Variants in PSG7 observed in about 807,000 individuals in gnomAD.
PSG7 encodes pregnancy-specific beta-1-glycoprotein 7.
Under a neutral mutation model 45.6 loss-of-function variants are expected in PSG7, and 57 were observed. The observed-to-expected ratio is 1.25, with a 90% CI of 1.01 to 1.56. PSG7 has a LOEUF of 1.56. PSG7 is among the 40% of genes most tolerant of loss of function. The probability of loss-of-function intolerance (pLI) is 0.00; values close to 1 mark genes in which losing one functional copy is unlikely to be tolerated. For missense variants in PSG7, 796 were observed against 508.4 expected, an observed-to-expected ratio of 1.57 and a Z score of -5.44; for synonymous variants, 298 against 194.4, an observed-to-expected ratio of 1.53 and a Z score of -4.43.
Position 42,925,883 on chromosome 19 carries a change from T to C in PSG7, c.1133A>G (p.Lys378Arg), listed in dbSNP as rs1359132098. 6.2e-7 allele frequency: 1 copy of C among 1,611,994 alleles called. No homozygotes were observed. Among genetic ancestry groups the C allele is most frequent in the East Asian group, 2.2e-5 (1 of 44,800 alleles). The change falls in exon 5 of 6, where the codon AAG becomes AGG. Residue 378 changes from lysine to arginine, a missense_variant. Physicochemically the swap from Lys to Arg is conservative, Grantham distance 26 (BLOSUM62 2). Transcript: ENST00000406070. ...TGTAGTAATCTGGGGGATAGAAAGC[T>C]TTTGTCCTGATAGCTGAAACTTCCC... ...INGKFQLSGQ[K>R]LSIPQITTKH...
rs1370541198 is a variant in PSG7 at position 42,925,977 on chromosome 19, C to T, written c.1039G>A (p.Gly347Arg). Residue 347 changes from glycine to arginine, a missense_variant, in exon 5 of 6, where the codon GGA (glycine) becomes AGA (arginine). Transcript: ENST00000406070. ...AAGCAGGACAAGTAGAGGTTTTGTC[C>T]TGAATGGTAATAGGTGAATGAAGGG... ...IYPSFTYYHS[G>R]QNLYLSCFAD... is the part of the protein sequence containing the mutation. The T allele has an allele frequency of 7.4e-6, 12 of 1,611,978 alleles. No individual in the cohort carries two copies. Among genetic ancestry groups the T allele is most frequent in the Non-Finnish European group, 2.5e-6 (3 of 1,179,138 alleles).
intron 2 of PSG7, among the ~76,000 whole-genome samples, chr19:42,935,132 G>A (rs1973117109): frequency 6.6e-6 from 1 of 151,866 alleles, no homozygotes; most frequent in Admixed American, 6.6e-5. Flanking sequence ...GGCATGAGGT[G>A]CTTGGCTGAG....
chr19:42,929,717 T>C lies in PSG7; in HGVS notation c.434A>G (p.Glu145Gly). 2 of 1,611,428 alleles carry C rather than the reference T, an allele frequency of 1.2e-6. No homozygotes were observed. The highest frequency in any genetic ancestry group is 1.7e-6 in the Non-Finnish European group (2 of 1,178,694). Reference sequence around the variant, plus strand: ...GCTGGAGATGGAGGGTTTGGGAGTCTCCACTGTGCGGAAAACAGAGAGAAG... The same window carrying C: ...GCTGGAGATGGAGGGTTTGGGAGTCCCCACTGTGCGGAAAACAGAGAGAAG... ...TGRFTFTLYL[E>G]TPKPSISSSN... Residue 145 changes from glutamate to glycine, a missense_variant, in exon 3 of 6, where the codon GAG becomes GGG. Transcript: ENST00000406070.
intron 3 of PSG7, chr19:42,929,202 G>C (rs1343625556): frequency 1.1e-6 from 1 of 942,740 alleles, no homozygotes; most frequent in Non-Finnish European, 1.5e-6. Context: ...ACATTCACCT[G>C]TTTCTTCCAT....
At chr19:42,932,153 A>G (rs1024343282) in intron 2 of PSG7, among the ~76,000 whole-genome samples, 1 of 151,246 alleles carries the variant, frequency 6.6e-6, no homozygotes, top group East Asian at 1.9e-4. Flanking sequence ...CCTCCCGAGT[A>G]GCTGGGACTA....
At chr19:42,926,106 G>T in intron 4 of PSG7, 79 bp from the exon 5 acceptor site, 5 of 1,562,740 alleles carry the variant, frequency 3.2e-6, no homozygotes, top group Non-Finnish European at 4.3e-6. Flanking sequence ...GGGACAGAGT[G>T]ACCCTCTGAG....
chr19:42,931,052 G>C (rs1370854718), intron 2 of PSG7, among the ~76,000 whole-genome samples: 1 of 151,526 alleles, frequency 6.6e-6, no homozygotes, highest in East Asian at 1.9e-4. Flanking sequence ...GTTGAGTTTT[G>C]AGCATTTCAG....
At position 42,929,462 on chromosome 19, in the gene PSG7, G is replaced by T. The variant is rs1385202605; in HGVS notation, c.689C>A (p.Pro230Gln). The change falls in exon 3 of 6, where the codon CCA becomes CAA. Residue 230 changes from proline to glutamine, a missense_variant. Pro to Gln is a moderately conservative substitution (Grantham distance 76). Transcript: ENST00000406070. ...CTCACGGAGGAGATTCAGGGTGACT[G>T]GGTCACTGCGGCTGGCACTCACTGG... Reference protein sequence around the residue: ...RNPVSASRSDPVTLNLLPKLP... With the variant: ...RNPVSASRSDQVTLNLLPKLP... 6.2e-7 allele frequency: 1 copy of T among 1,612,522 alleles called. No homozygotes were observed. Among genetic ancestry groups the T allele is most frequent in the African/African-American group, 1.3e-5 (1 of 74,852 alleles).
chr19:42,936,927 T>C, intron 1 of PSG7, 86 bp downstream of exon 1: 1 of 1,570,226 alleles, frequency 6.4e-7, no homozygotes, highest in South Asian at 1.1e-5. Context: ...CTTCTTTTAT[T>C]TTTTAGAACC....
At chr19:42,933,267 A>ATT (rs1973061098) in intron 2 of PSG7, among the ~76,000 whole-genome samples, 1 of 6,436 alleles carries the variant, frequency 1.6e-4, no homozygotes, top group Non-Finnish European at 3.2e-4. Flanking sequence ...CACCATTTCA[A>ATT]TATATATATA....
intron 2 of PSG7, among the ~76,000 whole-genome samples, chr19:42,933,298 TA>T (rs1457777389): frequency 3.5e-3 from 64 of 18,384 alleles, no homozygotes; most frequent in South Asian, 0.011. Context: ...TATATATATA[TA>T]TATATATATT....
In PSG7 at chr19:42,935,467, G is replaced by A; in HGVS notation, c.367C>T (p.His123Tyr). 1 of 1,612,212 alleles carries A rather than the reference G, an allele frequency of 6.2e-7. No homozygotes were observed. Among genetic ancestry groups the A allele is most frequent in the Non-Finnish European group, 8.5e-7 (1 of 1,179,016 alleles). ...TQEDTGSYTL[H>Y]IIKRGDGTGG... ...GTCCCATCACCTCGCTTTATGATGTGTAAAGTGTAGGATCCTGTGTCTTCC... is the reference window on the plus strand; with the variant it reads ...GTCCCATCACCTCGCTTTATGATGTATAAAGTGTAGGATCCTGTGTCTTCC... Residue 123 changes from histidine (H) to tyrosine (Y), a missense_variant, in exon 2 of 6, where the codon CAC (histidine) becomes TAC (tyrosine). By Grantham distance (83) the His-to-Tyr change is moderately conservative (BLOSUM62 2). Coordinates refer to ENST00000406070, the MANE Select transcript of PSG7 (RefSeq NM_002783.3).
chr19:42,933,166 A>G (rs1244102455), intron 2 of PSG7, among the ~76,000 whole-genome samples: 3 of 145,234 alleles, frequency 2.1e-5, no homozygotes, highest in Admixed American at 1.4e-4. Flanking sequence ...CTAACCCCTG[A>G]TCCACTGGGG....
chr19:42,926,009 C>T lies in PSG7; in HGVS notation c.1007G>A (p.Arg336Lys), dbSNP rs758592278. Reference protein sequence around the residue: ...LNVLYGPDLPRIYPSFTYYHS... With the variant: ...LNVLYGPDLPKIYPSFTYYHS... ...GTAATAGGTGAATGAAGGGTAAATT[C>T]TGGGGAGGTCTGGACCATCTGGAGG... Residue 336 changes from arginine to lysine, a missense_variant, in exon 5 of 6, where the codon AGA becomes AAA. Physicochemically the swap from Arg to Lys is conservative, Grantham distance 26 (BLOSUM62 2). Coordinates refer to ENST00000406070, the MANE Select transcript of PSG7 (RefSeq NM_002783.3). 7.4e-6 allele frequency: 12 copies of T among 1,611,946 alleles called. No individual in the cohort carries two copies. In the South Asian group the frequency reaches 1.3e-4, roughly 18 times the overall value.
chr19:42,928,757 C>T (rs1972949856), intron 3 of PSG7, among the ~76,000 whole-genome samples: 1 of 151,360 alleles, frequency 6.6e-6, no homozygotes, highest in Non-Finnish European at 1.5e-5. Flanking sequence ...CCCTGGAAAA[C>T]ATATTGCCAA....
rs767256994 is a variant in PSG7, at chr19:42,937,115, G to A, written c.-39C>T. The stretch of plus-strand genomic sequence containing the variant: ...TGCGTGTTCTCCTCTGTGGAGATGA[G>A]CCTAGGATCCAGAATCTTCCTGAGC... On this transcript the variant is annotated 5_prime_UTR_variant, in exon 1 of 6. Coordinates refer to ENST00000406070, the MANE Select transcript of PSG7 (RefSeq NM_002783.3). 5.6e-6 allele frequency: 9 copies of A among 1,600,562 alleles called. No individual in the cohort carries two copies. In the South Asian group the frequency reaches 7.8e-5, roughly 14 times the overall value.
At chr19:42,926,776 T>C (rs1972903376) in intron 3 of PSG7, 60 bp from the exon 4 acceptor site, 2 of 1,592,016 alleles carry the variant, frequency 1.3e-6, no homozygotes, top group East Asian at 2.2e-5. Flanking sequence ...TCCACAGGCA[T>C]CCTTCAATTA....
Position 42,935,478 on chromosome 19 carries a change from G to T in PSG7, c.356C>A (p.Ser119Tyr). Residue 119 changes from serine (S) to tyrosine (Y), a missense_variant, in exon 2 of 6, where the codon TCC (serine) becomes TAC (tyrosine). By Grantham distance (144) the Ser-to-Tyr change is moderately radical. Coordinates refer to ENST00000406070, the MANE Select transcript of PSG7 (RefSeq NM_002783.3). ...TCGCTTTATGATGTGTAAAGTGTAGGATCCTGTGTCTTCCTGGGTGACATT... is the reference window on the plus strand; with the variant it reads ...TCGCTTTATGATGTGTAAAGTGTAGTATCCTGTGTCTTCCTGGGTGACATT... ...IQNVTQEDTG[S>Y]YTLHIIKRGD... is the part of the protein sequence containing the mutation. 6.2e-7 allele frequency: 1 copy of T among 1,612,188 alleles called. No homozygotes were observed. Among genetic ancestry groups the T allele is most frequent in the Non-Finnish European group, 8.5e-7 (1 of 1,179,020 alleles).
At position 42,937,147 on chromosome 19, in the gene PSG7, G is replaced by C. The variant is rs1007067048; in HGVS notation, c.-71C>G. 29 of 1,570,258 alleles carry C rather than the reference G, an allele frequency of 1.8e-5. No individual in the cohort carries two copies. Among genetic ancestry groups the C allele is most frequent in the African/African-American group, 1.6e-4 (12 of 73,394 alleles). ...ATCCAGAATCTTCCTGAGCACGGCT[G>C]TCAGCTGTGCTGTCCTTCCTCCTTC... is the stretch of plus-strand genomic sequence containing the variant. On this transcript the variant is annotated 5_prime_UTR_variant, in exon 1 of 6. Transcript: ENST00000406070.
Sources: gnomAD v4.1 joint callset for allele counts (sites outside exome capture counted in the v4.1 genomes callset) on GRCh38, gnomAD v4.1.1 for gene constraint, MANE v1.5 for transcripts, NCBI Gene and HGNC (gene_info 2026-07-23, HGNC 2026-07-21) for gene names.